The following DTNA variants were observed in gnomAD, a reference collection of about 807,000 sequenced individuals.
DTNA encodes the protein dystrophin-related protein 3.
DTNA carries 43 observed loss-of-function variants against 100.7 expected under a neutral mutation model. The ratio of observed to expected loss-of-function variants is 0.43; its 90% CI spans 0.33 to 0.55. The LOEUF is 0.55. DTNA is among the 20% of genes least tolerant of loss of function. The pLI, the probability that DTNA is intolerant of heterozygous loss-of-function variation, is 0.04. For synonymous variants in DTNA, 349 were observed against 347.9 expected (o/e 1.00, Z -0.04); for missense variants, 798 against 953.9 (o/e 0.84, Z 2.15).
At chr18:34,858,914 A>G (rs2096584424) in intron 16 of DTNA, among the ~76,000 whole-genome samples, 1 of 152,216 alleles carries the variant, frequency 6.6e-6, no homozygotes, top group Admixed American at 6.5e-5. Flanking sequence ...CCCGGCCAGC[A>G]GTGTTCTTTA....
In DTNA at chr18:34,524,746, CAA is replaced by C. The variant is rs1242488415; in HGVS notation, c.-2+31233_-2+31234del. On this transcript the variant is annotated intron_variant, in intron 1 of 19. Coordinates refer to the DTNA transcript ENST00000283365. ...TAATTTTTAAAACTTTTTAGAGACA[CAA>C]GAGGATTTTTTTTTAAAAAAAAGGT... Among the ~76,000 whole-genome samples, 12 of 151,548 alleles carry C rather than the reference CAA, an allele frequency of 7.9e-5. 1 individual carries two copies. In the South Asian group the frequency reaches 1.0e-3, roughly 13 times the overall value.
intron 4 of DTNA, among the ~76,000 whole-genome samples, chr18:34,804,284 G>A (rs1175187492): frequency 1.3e-5 from 2 of 152,164 alleles, no homozygotes; most frequent in Admixed American, 6.5e-5. Flanking sequence ...GAGACTAGAC[G>A]AGACTGCTGG....
intron 1 of DTNA, among the ~76,000 whole-genome samples, chr18:34,666,706 A>G (rs1248080742): frequency 3.9e-5 from 6 of 152,014 alleles, no homozygotes. Flanking sequence ...TGTTTTTGTC[A>G]GGTTTGTCAA....
intron 1 of DTNA, among the ~76,000 whole-genome samples, chr18:34,644,246 G>A (rs1032831758): frequency 1.3e-5 from 2 of 152,042 alleles, no homozygotes; most frequent in Admixed American, 6.6e-5. Flanking sequence ...AAAGGAGATA[G>A]CCAAAAAGCC....
chr18:34,752,535 C>A (rs1482956177), intron 1 of DTNA, among the ~76,000 whole-genome samples: 1 of 152,112 alleles, frequency 6.6e-6, no homozygotes, highest in Admixed American at 6.5e-5. Context: ...ATCTAGCAGG[C>A]CTCCCATTTT....
intron 1 of DTNA, among the ~76,000 whole-genome samples, chr18:34,700,347 C>T (rs1296097680): frequency 6.6e-6 from 1 of 152,158 alleles, no homozygotes; most frequent in Non-Finnish European, 1.5e-5. Flanking sequence ...ACTTCTGTCT[C>T]CAAATACCAC....
intron 1 of DTNA, among the ~76,000 whole-genome samples, chr18:34,499,941 A>G (rs1341816625): frequency 6.6e-6 from 1 of 152,212 alleles, no homozygotes; most frequent in Non-Finnish European, 1.5e-5. Flanking sequence ...CTTTGGAAAC[A>G]TATTACATAG....
intron 1 of DTNA, among the ~76,000 whole-genome samples, chr18:34,578,722 G>A (rs1203360853): frequency 1.3e-5 from 2 of 152,158 alleles, no homozygotes; most frequent in African/African-American, 4.8e-5. Flanking sequence ...GTTAAATAGG[G>A]TGTCTTTTTC....
intron 1 of DTNA, among the ~76,000 whole-genome samples, chr18:34,612,453 T>A (rs921623038): frequency 1.3e-5 from 2 of 152,138 alleles, no homozygotes; most frequent in Non-Finnish European, 2.9e-5. Context: ...AGAAGGAGAA[T>A]GAACTCATAG....
In DTNA at chr18:34,852,743, C is replaced by T. The variant is rs9965364; in HGVS notation, c.1532+815C>T. Among the ~76,000 whole-genome samples the T allele has an allele frequency of 5.5e-3, 835 of 152,284 alleles. 7 individuals carry two copies. The highest frequency in any genetic ancestry group is 0.019 in the African/African-American group (795 of 41,554). On this transcript the variant is annotated intron_variant, in intron 15 of 22. Transcript: ENST00000444659. ...TTAGTCATTCCCTCAGCCTAGAAAG[C>T]TCTTCCTCCAGGTCTCTGTGTGGAT...
At chr18:34,587,351 G>GA (rs1296788999) in intron 1 of DTNA, among the ~76,000 whole-genome samples, 2 of 151,090 alleles carry the variant, frequency 1.3e-5, no homozygotes, top group South Asian at 2.1e-4. Flanking sequence ...AGACACTCCT[G>GA]AAAAAATATG....
chr18:34,774,293 G>A (rs994106313), intron 3 of DTNA, among the ~76,000 whole-genome samples: 5 of 152,244 alleles, frequency 3.3e-5, no homozygotes, highest in African/African-American at 7.2e-5. Context: ...TCAGCAGAGC[G>A]ATGAAGGGAT....
chr18:34,661,005 T>C (rs1211569990), intron 1 of DTNA, among the ~76,000 whole-genome samples: 1 of 152,248 alleles, frequency 6.6e-6, no homozygotes, highest in Admixed American at 6.5e-5. Flanking sequence ...GCTCAAAATT[T>C]ATCTTTTCAA....
chr18:34,671,183 T>C (rs1465978286), intron 1 of DTNA, among the ~76,000 whole-genome samples: 1 of 152,180 alleles, frequency 6.6e-6, no homozygotes, highest in Non-Finnish European at 1.5e-5. Context: ...ACTGCTGTGC[T>C]AGCAATGAGT....
At chr18:34,877,955 AG>A (rs2096834396) in intron 19 of DTNA, 147 bp downstream of exon 19, 3 of 792,582 alleles carry the variant, frequency 3.8e-6, no homozygotes, top group Non-Finnish European at 5.9e-6. Context: ...TTCAGATTTG[AG>A]GGGTTTTTTT....
chr18:34,637,174 ATGT>A, intron 1 of DTNA, among the ~76,000 whole-genome samples: 1 of 152,308 alleles, frequency 6.6e-6, no homozygotes, highest in Admixed American at 6.5e-5. Context: ...TTATGTCCTA[ATGT>A]TGTGCCAAGA....
chr18:34,587,795 A>G (rs770522280), intron 1 of DTNA, among the ~76,000 whole-genome samples: 1 of 152,214 alleles, frequency 6.6e-6, no homozygotes, highest in Non-Finnish European at 1.5e-5. Flanking sequence ...AAGCATACAT[A>G]TAACTTTAAA....
intron 1 of DTNA, among the ~76,000 whole-genome samples, chr18:34,516,687 G>C (rs2145086735): frequency 6.6e-6 from 1 of 152,238 alleles, no homozygotes; most frequent in Middle Eastern, 3.4e-3. Context: ...GCTTTTGTAA[G>C]AAGAGAAATA....
intron 1 of DTNA, among the ~76,000 whole-genome samples, chr18:34,638,437 C>A (rs567161781): frequency 2.6e-5 from 4 of 152,314 alleles, no homozygotes; most frequent in Admixed American, 1.3e-4. Flanking sequence ...AAGGGCAGAG[C>A]TGAGATTGGA....
Sources: gnomAD v4.1 joint callset for allele counts (sites outside exome capture counted in the v4.1 genomes callset) on GRCh38, gnomAD v4.1.1 for gene constraint, MANE v1.5 for transcripts, NCBI Gene and HGNC (gene_info 2026-07-23, HGNC 2026-07-21) for gene names.